ZNF407: variants seen among roughly 807,000 people sequenced by gnomAD.
ZNF407 encodes the protein zinc finger protein 407.
A neutral mutation model predicts 131.2 loss-of-function variants in ZNF407; 17 were observed. The ratio of observed to expected loss-of-function variants is 0.13; its 90% confidence interval spans 0.09 to 0.19. ZNF407 has a LOEUF of 0.19. Among genes scored for constraint, ZNF407 ranks in the 10% least tolerant of loss-of-function variants. The pLI is 1.00. For missense variants in ZNF407, 2,681 were observed against 2,830.6 expected (o/e 0.95, Z 1.20); for synonymous variants, 1,156 against 1,062.0 (o/e 1.09, Z -1.72).
intron 3 of ZNF407, among the ~76,000 whole-genome samples, chr18:74,677,164 C>T (rs1325893773): frequency 2.0e-5 from 3 of 152,222 alleles, no homozygotes; most frequent in Admixed American, 2.0e-4. Context: ...AATCTTGGCT[C>T]ACTGCATCCT....
At chr18:74,771,250 T>C (rs1404775236) in intron 3 of ZNF407, among the ~76,000 whole-genome samples, 3 of 152,148 alleles carry the variant, frequency 2.0e-5, no homozygotes, top group Admixed American at 6.6e-5. Context: ...ATATAATTAT[T>C]AAATGTTATG....
At position 75,063,238 on chromosome 18, in the gene ZNF407, G is replaced by C. The variant is rs758723022; in HGVS notation, c.5517G>C (p.Leu1839Phe). 6 of 1,613,446 alleles carry C rather than the reference G, an allele frequency of 3.7e-6. No individual in the cohort carries two copies. In the East Asian group the frequency reaches 8.9e-5, roughly 24 times the overall value. Residue 1839 changes from leucine to phenylalanine, a missense_variant, in exon 9 of 9, where the codon TTG becomes TTC. Leu to Phe is a conservative substitution (Grantham distance 22). Around this residue, in one of 6 missense-constraint regions of ZNF407, gnomAD observed 620 missense variants for 583.1 expected, o/e 1.06. Transcript: ENST00000299687. This position sits in a 1 kb window ranked among gnomAD's most constrained non-coding sequence, Gnocchi z 6.6. ...ACAGCCCCTTCACCGCGGCGGCCTTGGCAGAAGAGCCCCTCGTCAAGGAGA... is the reference window on the plus strand; with the variant it reads ...ACAGCCCCTTCACCGCGGCGGCCTTCGCAGAAGAGCCCCTCGTCAAGGAGA... The part of the protein sequence containing the change: ...ETDSPFTAAA[L>F]AEEPLVKEKP...
rs28801976 is a variant in ZNF407 at position 74,757,639 on chromosome 18, T to G, written c.4803-23789T>G. Among the ~76,000 whole-genome samples the G allele has an allele frequency of 5.3e-3, 809 of 152,272 alleles. 9 individuals carry two copies. Among genetic ancestry groups the G allele is most frequent in the African/African-American group, 0.018 (729 of 41,598 alleles). Reference sequence around the variant, plus strand: ...TGTTTTTATTGTGTGACATATTCTATAGATGCCTTTTATTTCTAGTTGATG... The same window carrying G: ...TGTTTTTATTGTGTGACATATTCTAGAGATGCCTTTTATTTCTAGTTGATG... On this transcript the variant is annotated intron_variant, in intron 3 of 8. Coordinates refer to ENST00000299687, the MANE Select transcript of ZNF407 (RefSeq NM_017757.3).
chr18:74,828,189 T>G (rs1268806178), intron 4 of ZNF407, among the ~76,000 whole-genome samples: 1 of 152,204 alleles, frequency 6.6e-6, no homozygotes, highest in African/African-American at 2.4e-5. Context: ...CTTAATACAT[T>G]AATCTGTTGA....
At chr18:75,040,775 GT>G (rs963384549) in intron 8 of ZNF407, among the ~76,000 whole-genome samples, 11 of 151,304 alleles carry the variant, frequency 7.3e-5, no homozygotes, top group Admixed American at 1.3e-4. Flanking sequence ...AATTCAGTAA[GT>G]TTTTTTTTAC....
At chr18:74,896,051 T>C (rs1238749308) in intron 7 of ZNF407, among the ~76,000 whole-genome samples, 1 of 152,158 alleles carries the variant, frequency 6.6e-6, no homozygotes, top group East Asian at 1.9e-4. Context: ...TGAAATTATA[T>C]ATACCAAAAT....
chr18:74,736,135 GAAAGTGTGTTTCACTCAC>G (rs1968406400), intron 3 of ZNF407, among the ~76,000 whole-genome samples: 1 of 152,190 alleles, frequency 6.6e-6, no homozygotes, highest in Non-Finnish European at 1.5e-5. Context: ...TCTGCTAGAT[GAAAGTGTGTTTCACTCAC>G]CTTAATTTAC....
At chr18:74,964,003 C>T (rs1008693763) in intron 8 of ZNF407, among the ~76,000 whole-genome samples, 7 of 152,174 alleles carry the variant, frequency 4.6e-5, no homozygotes, top group South Asian at 2.1e-4. Context: ...ATATTTGTGG[C>T]GCCCTCTTGG....
chr18:74,803,554 C>T (rs77249227), intron 4 of ZNF407, among the ~76,000 whole-genome samples: 2,486 of 152,146 alleles, frequency 0.016, 78 homozygotes, highest in African/African-American at 0.056. Flanking sequence ...TATTTTCTTC[C>T]TATATTTTAG....
intron 4 of ZNF407, among the ~76,000 whole-genome samples, chr18:74,875,783 C>T (rs1307248415): frequency 6.6e-6 from 1 of 152,030 alleles, no homozygotes; most frequent in Non-Finnish European, 1.5e-5. Flanking sequence ...TATAGTATCT[C>T]TTTACATATA....
intron 3 of ZNF407, among the ~76,000 whole-genome samples, chr18:74,777,564 A>C (rs1397113866): frequency 6.6e-6 from 1 of 152,238 alleles, no homozygotes; most frequent in South Asian, 2.1e-4. Flanking sequence ...AAAATGGATC[A>C]TTTCTTTGAT....
intron 7 of ZNF407, among the ~76,000 whole-genome samples, chr18:74,892,209 C>T (rs1327990978): frequency 2.6e-5 from 4 of 152,062 alleles, no homozygotes; most frequent in Non-Finnish European, 5.9e-5. Context: ...GCCAATTAGC[C>T]GCAGCATCCA....
At chr18:74,694,771 G>C (rs1019095113) in intron 3 of ZNF407, among the ~76,000 whole-genome samples, 1 of 152,108 alleles carries the variant, frequency 6.6e-6, no homozygotes, top group Non-Finnish European at 1.5e-5. Flanking sequence ...ATTTTGTCCA[G>C]TTTTCTGGTG....
rs758802650 is a variant in ZNF407, at chr18:74,632,142, C to T, written c.1123C>T (p.Pro375Ser). ...TACTTCCCTTGGTCTAGCTCAGAATCCTGAAAACCAGAGTAGAAAGCTAGA... is the reference window on the plus strand; with the variant it reads ...TACTTCCCTTGGTCTAGCTCAGAATTCTGAAAACCAGAGTAGAAAGCTAGA... ...HVTSLGLAQN[P>S]ENQSRKLDTL... The change falls in exon 2 of 9, where the codon CCT becomes TCT. Residue 375 changes from proline to serine, a missense_variant. By Grantham distance (74) the Pro-to-Ser change is moderately conservative (BLOSUM62 -1). Around this residue, in one of 6 missense-constraint regions of ZNF407, gnomAD observed 1,789 missense variants for 1,748.7 expected, o/e 1.02. Coordinates refer to ENST00000299687, the MANE Select transcript of ZNF407 (RefSeq NM_017757.3). 3.1e-6 allele frequency: 5 copies of T among 1,613,970 alleles called. No homozygotes were observed. The highest frequency in any genetic ancestry group is 4.2e-6 in the Non-Finnish European group (5 of 1,179,896).
intron 1 of ZNF407, among the ~76,000 whole-genome samples, chr18:74,598,772 A>G (rs1982435618): frequency 6.6e-6 from 1 of 152,256 alleles, no homozygotes; most frequent in African/African-American, 2.4e-5. Flanking sequence ...CTTTCCAGCC[A>G]GCTAGCACGC....
At chr18:74,928,644 AG>A (rs1971943633) in intron 8 of ZNF407, among the ~76,000 whole-genome samples, 1 of 152,246 alleles carries the variant, frequency 6.6e-6, no homozygotes, top group African/African-American at 2.4e-5. Flanking sequence ...TACCAGAGTC[AG>A]GTGGGAGTTG....
At chr18:74,808,671 C>A (rs541097882) in intron 4 of ZNF407, among the ~76,000 whole-genome samples, 1 of 152,066 alleles carries the variant, frequency 6.6e-6, no homozygotes, top group African/African-American at 2.4e-5. Context: ...TACATATGCT[C>A]ACCTATTGTA....
At chr18:75,051,008 T>C (rs1470425352) in intron 8 of ZNF407, among the ~76,000 whole-genome samples, 1 of 152,066 alleles carries the variant, frequency 6.6e-6, no homozygotes, top group Non-Finnish European at 1.5e-5. Flanking sequence ...TACGGCCTAT[T>C]ATATGCCAAG....
intron 7 of ZNF407, among the ~76,000 whole-genome samples, chr18:74,913,821 G>A (rs10514148): frequency 6.6e-6 from 1 of 152,158 alleles, no homozygotes; most frequent in South Asian, 2.1e-4. Flanking sequence ...TCATAAGTGA[G>A]TGTGTAGTAC....
Sources: gnomAD v4.1 joint callset for allele counts (sites outside exome capture counted in the v4.1 genomes callset) on GRCh38, gnomAD v4.1.1 for gene constraint, gnomAD v4.1.1 regional missense constraint, Gnocchi (gnomAD v3.1) non-coding constraint, MANE v1.5 for transcripts, NCBI Gene and HGNC (gene_info 2026-07-23, HGNC 2026-07-21) for gene names.